Variants in TTC39B observed in about 807,000 individuals in gnomAD.
The protein encoded by TTC39B is tetratricopeptide repeat protein 39B.
TTC39B carries 92 observed loss-of-function variants against 96.6 expected under a neutral mutation model. The observed-to-expected ratio is 0.95, with a 90% CI of 0.80 to 1.13. The LOEUF (loss-of-function observed/expected upper bound fraction) is 1.13. Among genes scored for constraint, TTC39B ranks in the 50% most tolerant of loss-of-function variants. TTC39B has a pLI of 0.00. For synonymous variants in TTC39B, 367 were observed against 299.4 expected (o/e 1.23, Z -2.33); for missense variants, 955 against 809.3 (o/e 1.18, Z -2.18).
intron 2 of TTC39B, among the ~76,000 whole-genome samples, chr9:15,258,911 C>A (rs1429348543): frequency 1.3e-5 from 2 of 152,104 alleles, no homozygotes; most frequent in Non-Finnish European, 2.9e-5. Context: ...TTTATAGGAT[C>A]TATATCTTAA....
At chr9:15,206,967 A>C (rs561601083) in intron 6 of TTC39B, among the ~76,000 whole-genome samples, 1 of 152,152 alleles carries the variant, frequency 6.6e-6, no homozygotes, top group Non-Finnish European at 1.5e-5. Context: ...TGCTGTTCTC[A>C]TGACAGTGAG....
At chr9:15,288,368 C>T (rs571667705) in intron 1 of TTC39B, among the ~76,000 whole-genome samples, 11 of 152,240 alleles carry the variant, frequency 7.2e-5, no homozygotes, top group East Asian at 3.9e-4. Flanking sequence ...GCCAAAACCC[C>T]GGCTCCACAA....
At chr9:15,235,737 T>C (rs1821748064) in intron 2 of TTC39B, among the ~76,000 whole-genome samples, 1 of 151,850 alleles carries the variant, frequency 6.6e-6, no homozygotes, top group Admixed American at 6.6e-5. Context: ...GAAGAAGAAA[T>C]AAAATATTTT....
chr9:15,260,298 T>C (rs1336806051), intron 2 of TTC39B, among the ~76,000 whole-genome samples: 2 of 151,296 alleles, frequency 1.3e-5, no homozygotes, highest in Non-Finnish European at 2.9e-5. Flanking sequence ...TTTCCTTCCT[T>C]AGGAATATAT....
intron 14 of TTC39B, among the ~76,000 whole-genome samples, chr9:15,187,549 T>C (rs1159191232): frequency 2.6e-5 from 4 of 152,200 alleles, no homozygotes; most frequent in Admixed American, 2.6e-4. Flanking sequence ...AGCCTCGAAC[T>C]CTTGGACTCA....
At chr9:15,251,463 G>A (rs748665457) in intron 2 of TTC39B, among the ~76,000 whole-genome samples, 5 of 151,850 alleles carry the variant, frequency 3.3e-5, no homozygotes, top group Non-Finnish European at 4.4e-5. Context: ...TAGGGAGGCT[G>A]AGGCAGGAGA....
intron 3 of TTC39B, among the ~76,000 whole-genome samples, chr9:15,215,716 G>A (rs1820477331): frequency 6.6e-6 from 1 of 150,750 alleles, no homozygotes; most frequent in African/African-American, 2.4e-5. Flanking sequence ...AAATTAGCTA[G>A]GCTGGGTGTG....
In TTC39B at chr9:15,275,277, G is replaced by A. The variant is rs183613815; in HGVS notation, c.241-7329C>T. On this transcript the variant is annotated intron_variant, in intron 1 of 19. Coordinates refer to ENST00000512701, the Ensembl canonical transcript of TTC39B. ...GCTGGTCTTGAACTCCTGACCTCAG[G>A]TGATCTGCCCGCCTCGGCCTCCCAA... Among the ~76,000 whole-genome samples the A allele has an allele frequency of 5.3e-5, 8 of 152,280 alleles. No individual in the cohort carries two copies. In the East Asian group the frequency reaches 1.5e-3, roughly 29 times the overall value.
At chr9:15,229,644 T>C (rs1482856183) in intron 2 of TTC39B, among the ~76,000 whole-genome samples, 1 of 152,228 alleles carries the variant, frequency 6.6e-6, no homozygotes, top group Non-Finnish European at 1.5e-5. Context: ...ATAATTATGA[T>C]ACTTTGACAT....
chr9:15,171,953 T>C (rs926322275), exon 20 of TTC39B: 3 of 1,239,710 alleles, frequency 2.4e-6, no homozygotes, highest in Non-Finnish European at 3.5e-6. Context: ...TCCACTTTAA[T>C]ATAAGGTTGA....
chr9:15,185,252 T>C (rs375140151), intron 16 of TTC39B, 28 bp downstream of exon 16: 18 of 1,588,188 alleles, frequency 1.1e-5, no homozygotes, highest in Non-Finnish European at 1.5e-5. Context: ...TTATTTCTAG[T>C]ACATGAAAAG....
At chr9:15,256,772 T>A (rs12336514) in intron 2 of TTC39B, among the ~76,000 whole-genome samples, 23,834 of 151,992 alleles carry the variant, frequency 0.16, 2,106 homozygotes, top group African/African-American at 0.24. Context: ...AGCACAGGGT[T>A]TACTCTCACA....
At chr9:15,263,353 G>T (rs13440415) in intron 2 of TTC39B, among the ~76,000 whole-genome samples, 1 of 152,190 alleles carries the variant, frequency 6.6e-6, no homozygotes, top group East Asian at 1.9e-4. Flanking sequence ...ATCTATGAGA[G>T]GAGAAAACAA....
chr9:15,206,748 A>T (rs1046029852), intron 6 of TTC39B, among the ~76,000 whole-genome samples: 1 of 142,022 alleles, frequency 7.0e-6, no homozygotes, highest in African/African-American at 3.1e-5. Flanking sequence ...TTATTAGTTT[A>T]TTTTTTTTAT....
At chr9:15,192,606 C>A (rs754301603) in exon 9 of TTC39B, 1 of 1,613,918 alleles carries the variant, frequency 6.2e-7, no homozygotes, top group Non-Finnish European at 8.5e-7. Flanking sequence ...AAAGGCCCCA[C>A]TGCCAAGCTT....
rs143795488 is a variant in TTC39B, at chr9:15,276,659, G to A, written c.241-8711C>T. On this transcript the variant is annotated intron_variant, in intron 1 of 19. Transcript: ENST00000512701. ...ATACACAAGTGATTTTAATTACACA[G>A]CCTGTGTAGTAGAGCGGAAAGCATA... Among the ~76,000 whole-genome samples the A allele has an allele frequency of 4.7e-4, 71 of 152,296 alleles. No individual in the cohort carries two copies. The East Asian group carries it at 0.013, about 27-fold the overall frequency.
intron 8 of TTC39B, among the ~76,000 whole-genome samples, chr9:15,193,431 T>C (rs1171356268): frequency 6.6e-6 from 1 of 152,252 alleles, no homozygotes; most frequent in African/African-American, 2.4e-5. Context: ...TAATGAGATA[T>C]CATGAATCAC....
At chr9:15,255,682 C>T (rs777469625) in intron 2 of TTC39B, among the ~76,000 whole-genome samples, 1 of 152,108 alleles carries the variant, frequency 6.6e-6, no homozygotes, top group African/African-American at 2.4e-5. Context: ...CTCATTTATG[C>T]AAACGTCAAG....
intron 1 of TTC39B, among the ~76,000 whole-genome samples, chr9:15,281,988 A>G (rs529349606): frequency 3.0e-4 from 45 of 152,250 alleles, no homozygotes; most frequent in Admixed American, 6.5e-4. Context: ...TTACCTACAT[A>G]TTTTATTATG....
Sources: gnomAD v4.1 joint callset for allele counts (sites outside exome capture counted in the v4.1 genomes callset) on GRCh38, gnomAD v4.1.1 for gene constraint, MANE v1.5 for transcripts, NCBI Gene and HGNC (gene_info 2026-07-23, HGNC 2026-07-21) for gene names.